SLC27A6: variants seen among roughly 807,000 people sequenced by gnomAD.
SLC27A6 encodes long-chain fatty acid transport protein 6.
In SLC27A6, 74 loss-of-function variants were observed where a neutral mutation model predicts 63.9. The observed-to-expected ratio is 1.16, with a 90% CI of 0.96 to 1.40. The LOEUF is 1.40. SLC27A6 is among the 40% of genes most tolerant of loss of function. SLC27A6 has a pLI of 0.00. For missense variants in SLC27A6, 794 were observed against 732.9 expected (o/e 1.08, Z -0.96); for synonymous variants, 287 against 260.8 (o/e 1.10, Z -0.97).
intron 1 of SLC27A6, among the ~76,000 whole-genome samples, chr5:128,981,261 C>T (rs374775385): frequency 1.7e-3 from 263 of 152,190 alleles, no homozygotes; most frequent in African/African-American, 5.9e-3. Context: ...GGGTGGATCA[C>T]CTGAGGTCAG....
chr5:128,994,164 C>T (rs1448351785), intron 4 of SLC27A6, among the ~76,000 whole-genome samples: 2 of 150,798 alleles, frequency 1.3e-5, no homozygotes, highest in African/African-American at 4.9e-5. Flanking sequence ...AAGACTCTGT[C>T]TCAAAAAAAA....
chr5:129,008,329 C>G (rs568681424), intron 4 of SLC27A6, among the ~76,000 whole-genome samples: 10 of 152,154 alleles, frequency 6.6e-5, no homozygotes, highest in Admixed American at 2.6e-4. Flanking sequence ...ATGTGATTCT[C>G]TGTATCAACT....
At position 128,966,383 on chromosome 5, in the gene SLC27A6, T is replaced by C; in HGVS notation, c.246T>C (p.Tyr82=). ...FIIYEGDIYT[Y]QDVDKRSSRV... ...TCTATGAGGGAGACATCTACACCTA[T>C]CAGGATGTAGACAAAAGGAGCAGCA... The change falls in exon 1 of 10, where the codon TAT becomes TAC. Residue 82 remains tyrosine, a synonymous_variant. Transcript: ENST00000262462. 6.2e-7 allele frequency: 1 copy of C among 1,613,418 alleles called. No homozygotes were observed. The highest frequency in any genetic ancestry group is 8.5e-7 in the Non-Finnish European group (1 of 1,179,712).
In SLC27A6 at chr5:128,966,381, T is replaced by C; in HGVS notation, c.244T>C (p.Tyr82His). 6.2e-7 allele frequency: 1 copy of C among 1,613,454 alleles called. No individual in the cohort carries two copies. Among genetic ancestry groups the C allele is most frequent in the Non-Finnish European group, 8.5e-7 (1 of 1,179,736 alleles). The change falls in exon 1 of 10, where the codon TAT (tyrosine) becomes CAT (histidine). Residue 82 changes from tyrosine (Y) to histidine (H), a missense_variant. Physicochemically the swap from Tyr to His is moderately conservative, Grantham distance 83. Coordinates refer to ENST00000262462, the MANE Select transcript of SLC27A6 (RefSeq NM_001017372.3). ...CATCTATGAGGGAGACATCTACACC[T>C]ATCAGGATGTAGACAAAAGGAGCAG... Reference protein sequence around the residue: ...FIIYEGDIYTYQDVDKRSSRV... With the variant: ...FIIYEGDIYTHQDVDKRSSRV...
At chr5:129,014,036 T>C (rs567073649) in intron 4 of SLC27A6, among the ~76,000 whole-genome samples, 91 of 152,138 alleles carry the variant, frequency 6.0e-4, no homozygotes, top group Non-Finnish European at 1.2e-3. Context: ...GACTGACCAG[T>C]TTCCTTGATA....
Position 129,033,106 on chromosome 5 carries a change from G to GA in SLC27A6, c.1690dup (p.Met564AsnfsTer20), listed in dbSNP as rs747096674. 2.1e-5 allele frequency: 34 copies of GA among 1,601,888 alleles called. No homozygotes were observed. The South Asian group carries it at 3.4e-4, about 16-fold the overall frequency. ...ACTCATCCTGGTAATTGCTTTACAG[G>GA]AAAAAATGGAAGCAACAGGAACATT... On this transcript the variant is annotated frameshift_variant and splice_region_variant, in exon 10 of 10. Coordinates refer to ENST00000262462, the MANE Select transcript of SLC27A6 (RefSeq NM_001017372.3). LOFTEE classifies it high-confidence loss of function.
chr5:129,024,593 C>T (rs1752176105), intron 6 of SLC27A6, among the ~76,000 whole-genome samples: 1 of 152,092 alleles, frequency 6.6e-6, no homozygotes, highest in Non-Finnish European at 1.5e-5. Flanking sequence ...CCTCCCTTCT[C>T]TACCAAGGTA....
chr5:128,968,682 G>C (rs1203502065), intron 1 of SLC27A6, among the ~76,000 whole-genome samples: 1 of 152,162 alleles, frequency 6.6e-6, no homozygotes, highest in African/African-American at 2.4e-5. Flanking sequence ...CAGATGGGTA[G>C]ATTGTAAAAA....
intron 4 of SLC27A6, among the ~76,000 whole-genome samples, chr5:128,993,391 C>A (rs949893881): frequency 1.3e-5 from 2 of 152,218 alleles, no homozygotes; most frequent in East Asian, 3.9e-4. Flanking sequence ...ACAAAGGATG[C>A]CTCAGTGGTT....
At chr5:128,980,939 C>G (rs1750564045) in intron 1 of SLC27A6, among the ~76,000 whole-genome samples, 1 of 151,998 alleles carries the variant, frequency 6.6e-6, no homozygotes, top group Non-Finnish European at 1.5e-5. Flanking sequence ...AATTTTTACC[C>G]ATATATTTTG....
At chr5:128,975,077 G>A (rs1253192917) in intron 1 of SLC27A6, among the ~76,000 whole-genome samples, 4 of 152,196 alleles carry the variant, frequency 2.6e-5, no homozygotes, top group Non-Finnish European at 4.4e-5. Flanking sequence ...CGGGCCAGGC[G>A]TGGTGGCTCA....
chr5:128,997,897 T>C (rs1751210261), intron 4 of SLC27A6, among the ~76,000 whole-genome samples: 1 of 152,142 alleles, frequency 6.6e-6, no homozygotes, highest in African/African-American at 2.4e-5. Flanking sequence ...ACCTACTTCT[T>C]CTAATTGGCC....
intron 4 of SLC27A6, among the ~76,000 whole-genome samples, chr5:128,997,852 C>A (rs1457659745): frequency 1.3e-5 from 2 of 152,076 alleles, no homozygotes; most frequent in African/African-American, 2.4e-5. Flanking sequence ...TTCTTTAAGC[C>A]ATAATTCTTC....
At chr5:128,972,426 C>A (rs1234434823) in intron 1 of SLC27A6, among the ~76,000 whole-genome samples, 1 of 152,218 alleles carries the variant, frequency 6.6e-6, no homozygotes, top group Non-Finnish European at 1.5e-5. Flanking sequence ...GGTCTTTTCA[C>A]ATAGTCCCAT....
At chr5:128,967,885 AT>A (rs1426317538) in intron 1 of SLC27A6, among the ~76,000 whole-genome samples, 1 of 152,062 alleles carries the variant, frequency 6.6e-6, no homozygotes, top group African/African-American at 2.4e-5. Context: ...TACATTAGGT[AT>A]TCCTCCTAAT....
At chr5:129,005,514 G>T (rs1181766120) in intron 4 of SLC27A6, among the ~76,000 whole-genome samples, 1 of 151,818 alleles carries the variant, frequency 6.6e-6, no homozygotes, top group East Asian at 1.9e-4. Context: ...AATATTTTAA[G>T]CTTTGTGGGT....
intron 4 of SLC27A6, among the ~76,000 whole-genome samples, chr5:129,013,900 G>A (rs1304261985): frequency 6.6e-6 from 1 of 152,112 alleles, no homozygotes; most frequent in East Asian, 1.9e-4. Flanking sequence ...ATTTCAGAAT[G>A]AGGCACTAAA....
intron 1 of SLC27A6, among the ~76,000 whole-genome samples, chr5:128,970,007 A>C (rs1329842770): frequency 6.6e-6 from 1 of 152,126 alleles, no homozygotes; most frequent in Non-Finnish European, 1.5e-5. Flanking sequence ...CCTTTTCTGC[A>C]TCTATTGAGA....
At chr5:128,997,763 T>A (rs1751206895) in intron 4 of SLC27A6, among the ~76,000 whole-genome samples, 1 of 152,200 alleles carries the variant, frequency 6.6e-6, no homozygotes, top group Non-Finnish European at 1.5e-5. Flanking sequence ...TAGGAAACCA[T>A]CTGATAGTGC....
Sources: gnomAD v4.1 joint callset for allele counts (sites outside exome capture counted in the v4.1 genomes callset) on GRCh38, gnomAD v4.1.1 for gene constraint, MANE v1.5 for transcripts, NCBI Gene and HGNC (gene_info 2026-07-23, HGNC 2026-07-21) for gene names.